CRB1: variants seen among roughly 807,000 people sequenced by gnomAD.
CRB1 encodes protein crumbs homolog 1.
In CRB1, 83 loss-of-function variants were observed where a neutral mutation model predicts 120.0. The observed-to-expected ratio is 0.69, with a 90% confidence interval of 0.58 to 0.83. The LOEUF is 0.83. Among genes scored for constraint, CRB1 ranks in the 40% least tolerant of loss-of-function variants. The pLI is 0.00. For missense variants in CRB1, 1,699 were observed against 1,687.6 expected (o/e 1.01, Z -0.12); for synonymous variants, 625 against 612.5 (o/e 1.02, Z -0.30).
intron 5 of CRB1, among the ~76,000 whole-genome samples, chr1:197,419,481 G>T (rs1664175767): frequency 6.6e-6 from 1 of 151,722 alleles, no homozygotes; most frequent in Non-Finnish European, 1.5e-5. Flanking sequence ...TCCTGCCTCA[G>T]CCTTCAGAGT....
chr1:197,314,544 A>T (rs1657733697), intron 1 of CRB1, among the ~76,000 whole-genome samples: 1 of 152,128 alleles, frequency 6.6e-6, no homozygotes, highest in African/African-American at 2.4e-5. Context: ...TTTTTATTGT[A>T]TATTGGACAT....
At chr1:197,263,174 A>G in the CRB1 span, among the ~76,000 whole-genome samples, 1 of 152,158 alleles carries the variant, frequency 6.6e-6, no homozygotes, top group South Asian at 2.1e-4. Context: ...CTTTATCTGT[A>G]GCCTCACCAG....
intron 5 of CRB1, among the ~76,000 whole-genome samples, chr1:197,365,180 A>G (rs1378842199): frequency 1.3e-5 from 2 of 152,134 alleles, no homozygotes; most frequent in African/African-American, 2.4e-5. Flanking sequence ...ATGATCCCTG[A>G]GTGGTCAGAA....
At chr1:197,434,243 T>C (rs1665012975) in intron 8 of CRB1, among the ~76,000 whole-genome samples, 1 of 152,150 alleles carries the variant, frequency 6.6e-6, no homozygotes, top group African/African-American at 2.4e-5. Context: ...ACTCCACTGT[T>C]AATTTTCTGG....
At chr1:197,309,753 AAAATAAATAAATAAAT>A (rs57529093) in intron 1 of CRB1, among the ~76,000 whole-genome samples, 39 of 141,496 alleles carry the variant, frequency 2.8e-4, no homozygotes, top group Non-Finnish European at 4.6e-4. Flanking sequence ...ACTACATCTC[AAAATAAATAAATAAAT>A]AAATAAATAA....
the CRB1 span, among the ~76,000 whole-genome samples, chr1:197,228,188 C>T: frequency 1.3e-5 from 2 of 152,204 alleles, no homozygotes; most frequent in Non-Finnish European, 2.9e-5. Context: ...TAACATTTGG[C>T]TCCTTGTTAC....
At chr1:197,452,523 C>A (rs904668586) in intron 11 of CRB1, among the ~76,000 whole-genome samples, 4 of 152,054 alleles carry the variant, frequency 2.6e-5, no homozygotes, top group Admixed American at 1.3e-4. Context: ...GATGAAGGGA[C>A]CTTACATATC....
chr1:197,439,106 A>C, intron 10 of CRB1: 1 of 170,568 alleles, frequency 5.9e-6, no homozygotes, highest in East Asian at 1.6e-4. Flanking sequence ...TCCCAGAGAA[A>C]CTCTTCAACT....
intron 1 of CRB1, among the ~76,000 whole-genome samples, chr1:197,288,346 C>T (rs1008308263): frequency 6.6e-6 from 1 of 151,750 alleles, no homozygotes; most frequent in African/African-American, 2.4e-5. Flanking sequence ...GATATTGCTT[C>T]GGTAGTTACA....
Position 197,269,719 on chromosome 1 carries a change from C to T in CRB1, c.70+1237C>T, listed in dbSNP as rs489839. On this transcript the variant is annotated intron_variant, in intron 1 of 11. Coordinates refer to ENST00000367400, the MANE Select transcript of CRB1 (RefSeq NM_201253.3). ...AGTTTATGGTGCATTTTATGGCAAA[C>T]AGCTTTGTCATTCAATGTAATATAT... is the stretch of plus-strand genomic sequence containing the variant. Among the ~76,000 whole-genome samples the T allele has an allele frequency of 2.0e-5, 3 of 151,850 alleles. No homozygotes were observed. The South Asian group carries it at 6.2e-4, about 31-fold the overall frequency.
chr1:197,344,194 C>T, intron 2 of CRB1, 87 bp from the exon 3 acceptor site: 3 of 1,240,718 alleles, frequency 2.4e-6, no homozygotes, highest in Non-Finnish European at 3.6e-6. Flanking sequence ...GACAAGTGCT[C>T]TGGTAAACAA....
intron 1 of CRB1, among the ~76,000 whole-genome samples, chr1:197,286,175 G>A (rs1655813720): frequency 1.3e-5 from 2 of 151,844 alleles, no homozygotes; most frequent in Non-Finnish European, 2.9e-5. Context: ...CCTTCATGTG[G>A]CATCAGTTTG....
Position 197,347,430 on chromosome 1 carries a change from T to C in CRB1, c.939T>C (p.Asn313=), listed in dbSNP as rs1410405020. ...PLCWSKPCHN[N]ATCEDSVDNY... ...GTTGGTCAAAACCTTGTCACAATAA[T>C]GCTACATGTGAGGACAGTGTTGACA... Residue 313 remains asparagine, a synonymous_variant, in exon 4 of 12, where the codon AAT becomes AAC. Transcript: ENST00000367400. 3.7e-6 allele frequency: 6 copies of C among 1,613,970 alleles called. No homozygotes were observed. In the Admixed American group the frequency reaches 1.0e-4, roughly 27 times the overall value.
At chr1:197,256,460 C>T in the CRB1 span, among the ~76,000 whole-genome samples, 3 of 152,056 alleles carry the variant, frequency 2.0e-5, no homozygotes, top group Non-Finnish European at 4.4e-5. Flanking sequence ...AGAGTTCTCT[C>T]ATGAGTTCCA....
intron 8 of CRB1, among the ~76,000 whole-genome samples, chr1:197,434,119 G>T (rs1472594843): frequency 1.3e-5 from 2 of 152,098 alleles, no homozygotes; most frequent in Admixed American, 1.3e-4. Context: ...AAGTACTTGG[G>T]TGTAGATACA....
intron 5 of CRB1, chr1:197,357,862 C>A (rs1026438583): frequency 1.3e-5 from 2 of 151,968 alleles, no homozygotes; most frequent in South Asian, 2.1e-4. Context: ...GTGTTTGCTG[C>A]AAGGTCGATA....
intron 5 of CRB1, among the ~76,000 whole-genome samples, chr1:197,404,872 A>C (rs1190749293): frequency 6.6e-6 from 1 of 152,212 alleles, no homozygotes; most frequent in African/African-American, 2.4e-5. Flanking sequence ...CCACTGTCTA[A>C]TTCTGTGACT....
chr1:197,313,849 A>G lies in CRB1; in HGVS notation c.71-14573A>G, dbSNP rs578054140. On this transcript the variant is annotated intron_variant, in intron 1 of 11. Transcript: ENST00000367400. Reference sequence around the variant, plus strand: ...CTGTTGATGGACACAGGTTGATTCCATATCTCGCCTATTGTGAACAGTGCT... The same window carrying G: ...CTGTTGATGGACACAGGTTGATTCCGTATCTCGCCTATTGTGAACAGTGCT... Among the ~76,000 whole-genome samples, 5 of 152,334 alleles carry G rather than the reference A, an allele frequency of 3.3e-5. No individual in the cohort carries two copies. In the South Asian group the frequency reaches 1.0e-3, roughly 32 times the overall value.
At chr1:197,372,211 G>A (rs1661406743) in intron 5 of CRB1, among the ~76,000 whole-genome samples, 1 of 152,046 alleles carries the variant, frequency 6.6e-6, no homozygotes, top group South Asian at 2.1e-4. Flanking sequence ...CAGGGCCCTG[G>A]ACTCAGCCAA....
Sources: gnomAD v4.1 joint callset for allele counts (sites outside exome capture counted in the v4.1 genomes callset) on GRCh38, gnomAD v4.1.1 for gene constraint, MANE v1.5 for transcripts, NCBI Gene and HGNC (gene_info 2026-07-23, HGNC 2026-07-21) for gene names.